KDM6A: variants seen among roughly 807,000 people sequenced by gnomAD.
The protein encoded by KDM6A is lysine demethylase 6A, also known as lysine-specific demethylase 6A.
KDM6A carries 11 observed loss-of-function variants against 117.6 expected under a neutral mutation model. The observed-to-expected ratio is 0.09, with a 90% CI of 0.06 to 0.15. The LOEUF (loss-of-function observed/expected upper bound fraction) is 0.15, where lower values mean the gene tolerates loss of function less well. KDM6A is among the 10% of genes least tolerant of loss of function. The pLI is 1.00. For synonymous variants in KDM6A, 384 were observed against 396.1 expected (o/e 0.97, Z 0.36); for missense variants, 799 against 1,077.3 (o/e 0.74, Z 3.62).
At chrX:45,099,749 C>A (rs1371167299) in intron 27 of KDM6A, among the ~76,000 whole-genome samples, 1 of 111,979 alleles carries the variant, frequency 8.9e-6, no homozygotes, top group East Asian at 2.8e-4. Flanking sequence ...TTAAAAGAAA[C>A]CCTCACTGGG....
intron 2 of KDM6A, among the ~76,000 whole-genome samples, chrX:44,936,724 G>A (rs1002099667): frequency 8.9e-6 from 1 of 111,978 alleles, no homozygotes; most frequent in Non-Finnish European, 1.9e-5. Context: ...TGTTTTACAC[G>A]CACTTTATAT....
At chrX:45,025,486 A>T (rs960356846) in intron 6 of KDM6A, among the ~76,000 whole-genome samples, 1 of 112,452 alleles carries the variant, frequency 8.9e-6, no homozygotes, top group Non-Finnish European at 1.9e-5. Flanking sequence ...TTATTTCATT[A>T]TCCTTTAATG....
At chrX:45,012,489 C>T (rs1194758054) in intron 5 of KDM6A, among the ~76,000 whole-genome samples, 1 of 110,981 alleles carries the variant, frequency 9.0e-6, no homozygotes, top group Non-Finnish European at 1.9e-5. Flanking sequence ...AGGTGTGAGC[C>T]ACCACACCTG....
chrX:44,895,073 AT>A (rs1187247874), intron 2 of KDM6A, among the ~76,000 whole-genome samples: 1 of 87,295 alleles, frequency 1.1e-5, no homozygotes, highest in East Asian at 4.0e-4. Flanking sequence ...AGCAACTTTT[AT>A]TTTATTTATT....
At chrX:45,111,247 C>CT (rs1329005715) in intron 29 of KDM6A, 135 bp from the exon 30 acceptor site, 4 of 519,029 alleles carry the variant, frequency 7.7e-6, no homozygotes, top group Non-Finnish European at 1.4e-5. Flanking sequence ...GTAGGCTGTA[C>CT]TTTTATGTTG....
chrX:45,048,706 C>T (rs142718264), intron 8 of KDM6A, among the ~76,000 whole-genome samples: 1,564 of 107,956 alleles, frequency 0.014, 35 homozygotes, highest in African/African-American at 0.051. Flanking sequence ...CATCTAGTGC[C>T]GTTTCCTTCC....
chrX:45,071,380 T>C (rs1379124830), intron 18 of KDM6A, among the ~76,000 whole-genome samples: 1 of 112,157 alleles, frequency 8.9e-6, no homozygotes, highest in Admixed American at 9.4e-5. Flanking sequence ...ACAATTCTTA[T>C]TTATAGCCAT....
At chrX:44,931,521 A>T (rs1363967154) in intron 2 of KDM6A, among the ~76,000 whole-genome samples, 1 of 111,967 alleles carries the variant, frequency 8.9e-6, no homozygotes, top group Middle Eastern at 4.2e-3. Context: ...GTGAAATATT[A>T]TGCAGCCCTT....
chrX:44,890,090 G>A (rs1013123150), intron 2 of KDM6A, among the ~76,000 whole-genome samples: 3 of 111,617 alleles, frequency 2.7e-5, no homozygotes, highest in African/African-American at 9.8e-5. Flanking sequence ...CTTCCCACCC[G>A]CTGGCAACCA....
At chrX:45,086,287 AG>A in intron 25 of KDM6A, 2 of 241,691 alleles carry the variant, frequency 8.3e-6, no homozygotes, top group Non-Finnish European at 1.5e-5. Flanking sequence ...GTGTATTCCA[AG>A]AAAAATTGTT....
At chrX:44,926,499 C>T (rs992963826) in intron 2 of KDM6A, among the ~76,000 whole-genome samples, 7 of 111,330 alleles carry the variant, frequency 6.3e-5, no homozygotes, top group Admixed American at 3.8e-4. Flanking sequence ...TGTTCAGGCT[C>T]CTTTCAGTCT....
intron 5 of KDM6A, among the ~76,000 whole-genome samples, chrX:45,012,513 T>A (rs2041812536): frequency 9.0e-6 from 1 of 111,095 alleles, no homozygotes; most frequent in African/African-American, 3.3e-5. Context: ...ACATTTTTTA[T>A]TTTTAGTGTA....
Position 44,963,090 on chromosome X carries a change from T to G in KDM6A, c.334+1698T>G, listed in dbSNP as rs2038768676. On this transcript the variant is annotated intron_variant, in intron 3 of 29. Transcript: ENST00000611820. The stretch of plus-strand genomic sequence containing the variant: ...CCTGCCACTACTCTGTTAACTAAGT[T>G]TACGTAATATTCTAAATTTGTTGTT... 2.7e-5 allele frequency among the ~76,000 whole-genome samples: 3 copies of G among 111,316 alleles called. No homozygotes were observed. The Admixed American group carries it at 2.9e-4, about 11-fold the overall frequency.
chrX:45,039,588 G>A (rs2042968471), intron 8 of KDM6A, among the ~76,000 whole-genome samples: 2 of 75,368 alleles, frequency 2.7e-5, no homozygotes, highest in African/African-American at 9.4e-5. Flanking sequence ...TAGGACAATA[G>A]TGGAGGGAAG....
chrX:45,004,770 G>T (rs770798182), intron 4 of KDM6A, among the ~76,000 whole-genome samples: 1 of 111,105 alleles, frequency 9.0e-6, no homozygotes, highest in African/African-American at 3.3e-5. Context: ...GGAATTTCTG[G>T]TCCGCGGTAG....
chrX:44,935,189 G>A (rs1174446333), intron 2 of KDM6A, among the ~76,000 whole-genome samples: 1 of 111,891 alleles, frequency 8.9e-6, no homozygotes, highest in Non-Finnish European at 1.9e-5. Context: ...CACCTTAGTC[G>A]AAGTGATTTG....
At chrX:44,880,723 C>T (rs890054397) in intron 2 of KDM6A, among the ~76,000 whole-genome samples, 2 of 109,830 alleles carry the variant, frequency 1.8e-5, no homozygotes, top group Non-Finnish European at 3.8e-5. Context: ...ACCAAGGAGG[C>T]GGAGGTTGCA....
At chrX:45,049,293 G>A (rs1328626291) in intron 8 of KDM6A, among the ~76,000 whole-genome samples, 1 of 111,545 alleles carries the variant, frequency 9.0e-6, no homozygotes, top group African/African-American at 3.3e-5. Flanking sequence ...TTTATGTGTT[G>A]GATTACTTAT....
chrX:45,019,027 G>A (rs1934172322), intron 5 of KDM6A, among the ~76,000 whole-genome samples: 1 of 111,491 alleles, frequency 9.0e-6, no homozygotes, highest in Non-Finnish European at 1.9e-5. Context: ...AAAAGTCTTT[G>A]TATACCCTTT....
Sources: allele counts gnomAD v4.1 joint callset (sites outside exome capture counted in the v4.1 genomes callset), GRCh38; gene constraint gnomAD v4.1.1; transcripts MANE v1.5; gene names NCBI Gene and HGNC (gene_info 2026-07-23, HGNC 2026-07-21).